Variants in CPZ observed in about 807,000 individuals in gnomAD.
CPZ encodes the protein carboxypeptidase Z.
CPZ carries 103 observed loss-of-function variants against 61.8 expected under a neutral mutation model. The observed-to-expected ratio is 1.67, with a 90% CI of 1.42 to 1.96. CPZ has a LOEUF of 1.96. Ranked by LOEUF, CPZ falls within the 30% of genes most tolerant of loss-of-function variation. CPZ has a pLI of 0.00. For missense variants in CPZ, 1,461 were observed against 914.9 expected, an observed-to-expected ratio of 1.60 and a Z score of -7.70; for synonymous variants, 551 against 373.7, an observed-to-expected ratio of 1.47 and a Z score of -5.47.
chr4:8,615,003 G>A (rs750882820), intron 9 of CPZ, among the ~76,000 whole-genome samples: 2 of 152,144 alleles, frequency 1.3e-5, no homozygotes, highest in African/African-American at 2.4e-5. Flanking sequence ...GTGGGATGGG[G>A]CGGGCACTGT....
intron 1 of CPZ, 73 bp downstream of exon 1, chr4:8,592,994 C>A: frequency 8.0e-7 from 1 of 1,250,438 alleles, no homozygotes; most frequent in South Asian, 1.4e-5. Context: ...CGTCGCTTCC[C>A]AGGGGCCCGG....
chr4:8,594,518 C>T (rs537262860), intron 1 of CPZ, among the ~76,000 whole-genome samples: 55 of 152,286 alleles, frequency 3.6e-4, no homozygotes, highest in Non-Finnish European at 5.9e-4. Flanking sequence ...CCTCTCTGAC[C>T]TCATTCAGGT....
At chr4:8,618,585 C>A (rs574620736) in intron 10 of CPZ, 57 bp downstream of exon 10, 3 of 1,516,296 alleles carry the variant, frequency 2.0e-6, no homozygotes, top group East Asian at 2.3e-5. Context: ...AATGCCACAC[C>A]GTGGCAGCCG....
intron 9 of CPZ, among the ~76,000 whole-genome samples, chr4:8,615,625 G>T (rs1340331034): frequency 2.0e-5 from 3 of 152,174 alleles, no homozygotes; most frequent in Non-Finnish European, 4.4e-5. Flanking sequence ...AGATGGAGTT[G>T]AGGTTCTGGC....
intron 1 of CPZ, among the ~76,000 whole-genome samples, chr4:8,595,311 C>T (rs893780176): frequency 2.8e-4 from 42 of 152,320 alleles, no homozygotes; most frequent in African/African-American, 9.4e-4. Flanking sequence ...TAGGCTTTCA[C>T]CCCACTGTGC....
At chr4:8,617,084 C>T (rs575529970) in intron 9 of CPZ, among the ~76,000 whole-genome samples, 28 of 152,328 alleles carry the variant, frequency 1.8e-4, no homozygotes, top group African/African-American at 5.5e-4. Context: ...GACAGCTGGG[C>T]GTGAGCCTGG....
At position 8,619,660 on chromosome 4, in the gene CPZ, T is replaced by A. The variant is rs778265567; in HGVS notation, c.*43T>A. ...GCCAGGATGTGGAGACCGAGGCCCATCTCCGCATCCCGGGCTCCTGGCTCT... is the reference window on the plus strand; with the variant it reads ...GCCAGGATGTGGAGACCGAGGCCCAACTCCGCATCCCGGGCTCCTGGCTCT... On this transcript the variant is annotated 3_prime_UTR_variant, in exon 11 of 11. Transcript: ENST00000360986. The A allele has an allele frequency of 7.2e-7, 1 of 1,390,360 alleles. No individual in the cohort carries two copies. The highest frequency in any genetic ancestry group is 9.5e-7 in the Non-Finnish European group (1 of 1,052,692). The allele number at this position is 1,390,360 out of a possible 1,614,324, so 86.1% of individuals were successfully genotyped here. A position where few individuals can be genotyped will look rare whatever the true frequency, so the allele number is the denominator to read the frequency against.
At chr4:8,618,319 G>A in intron 9 of CPZ, 110 bp from the exon 10 acceptor site, 1 of 1,013,008 alleles carries the variant, frequency 9.9e-7, no homozygotes, top group Non-Finnish European at 1.5e-6. Flanking sequence ...CTGTGGGGTA[G>A]TTCCCCCTAG....
intron 2 of CPZ, chr4:8,599,691 C>T: frequency 5.1e-6 from 7 of 1,374,238 alleles, no homozygotes; most frequent in Non-Finnish European, 4.8e-6. Flanking sequence ...GGTGCACCAG[C>T]TTCCCACCGG....
rs1012682979 is a variant in CPZ at position 8,606,874 on chromosome 4, C to T, written c.1044C>T (p.Ile348=). 5 of 1,612,632 alleles carry T rather than the reference C, an allele frequency of 3.1e-6. No homozygotes were observed. In the Admixed American group the frequency reaches 5.0e-5, roughly 16 times the overall value. The stretch of plus-strand genomic sequence containing the variant: ...GCGCACGCAGCGACCACATCCCCAT[C>T]CCCCAGCACTACTGGTGGGGTAAGG... ...TRGARSDHIP[I]PQHYWWGKVA... is the part of the protein sequence containing the mutation. The change falls in exon 6 of 11, where the codon ATC becomes ATT. Residue 348 remains isoleucine (I), a synonymous_variant. Transcript: ENST00000360986.
chr4:8,609,103 CT>C (rs1715335073), intron 7 of CPZ, among the ~76,000 whole-genome samples: 1 of 6,634 alleles, frequency 1.5e-4, no homozygotes, highest in Non-Finnish European at 4.2e-4. Context: ...CACTCACTCA[CT>C]CCCTTCCTCA....
intron 3 of CPZ, 190 bp from the exon 4 acceptor site, chr4:8,603,786 T>A (rs376289233): frequency 8.8e-5 from 54 of 614,822 alleles, no homozygotes; most frequent in East Asian, 6.6e-4. Context: ...GCTGTGTACA[T>A]ACCTCAGGTG....
In CPZ at chr4:8,619,334, C is replaced by A; in HGVS notation, c.1676C>A (p.Ala559Asp). ...HIVIAQAPGY[A>D]KVIKKVIIPA... ...GTCATTGCCCAAGCCCCTGGCTACG[C>A]CAAAGTCATCAAGAAAGTCATCATC... The change falls in exon 11 of 11, where the codon GCC becomes GAC. Residue 559 changes from alanine (A) to aspartate (D), a missense_variant. Physicochemically the swap from Ala to Asp is moderately radical, Grantham distance 126. Transcript: ENST00000360986. The A allele has an allele frequency of 6.2e-7, 1 of 1,614,156 alleles. No homozygotes were observed. The highest frequency in any genetic ancestry group is 1.1e-5 in the South Asian group (1 of 91,068).
chr4:8,606,805 C>A lies in CPZ; in HGVS notation c.975C>A (p.Phe325Leu), dbSNP rs1208311594. 12 of 1,614,172 alleles carry A rather than the reference C, an allele frequency of 7.4e-6. No individual in the cohort carries two copies. The highest frequency in any genetic ancestry group is 1.0e-5 in the Non-Finnish European group (12 of 1,180,032). ...NAQNLDLNRN[F>L]PDLTSEYYRL... ...AGAACCTGGATCTGAACCGAAATTT[C>A]CCGGACCTGACGTCCGAGTACTACC... Residue 325 changes from phenylalanine to leucine, a missense_variant, in exon 6 of 11, where the codon TTC (phenylalanine) becomes TTA (leucine). Physicochemically the swap from Phe to Leu is conservative, Grantham distance 22 (BLOSUM62 0). Coordinates refer to ENST00000360986, the MANE Select transcript of CPZ (RefSeq NM_001014447.3).
Position 8,614,504 on chromosome 4 carries a change from T to C in CPZ, c.1503+6T>C, listed in dbSNP as rs1271015640. 7 of 1,612,324 alleles carry C rather than the reference T, an allele frequency of 4.3e-6. No homozygotes were observed. The highest frequency in any genetic ancestry group is 5.9e-6 in the Non-Finnish European group (7 of 1,179,182). ...TCCTGAATTTCGTGGAGACGGTGAG[T>C]TCTGACGGTCTCAGGGCTCTGGTCC... On this transcript the variant is annotated splice_donor_region_variant and intron_variant, in intron 9 of 10. Coordinates refer to ENST00000360986, the MANE Select transcript of CPZ (RefSeq NM_001014447.3).
At chr4:8,608,662 G>C (rs1033626245) in intron 7 of CPZ, among the ~76,000 whole-genome samples, 4 of 150,928 alleles carry the variant, frequency 2.7e-5, no homozygotes, top group Non-Finnish European at 5.9e-5. Context: ...GTGCATGCAT[G>C]TGCACACGTG....
intron 4 of CPZ, 84 bp from the exon 5 acceptor site, chr4:8,605,905 C>T (rs1714952250): frequency 2.2e-6 from 3 of 1,374,564 alleles, no homozygotes; most frequent in African/African-American, 1.4e-5. Context: ...CCCATCTGGT[C>T]ATTCTTGCTG....
intron 2 of CPZ, 57 bp downstream of exon 2, chr4:8,599,542 C>T (rs544789422): frequency 6.2e-7 from 1 of 1,605,586 alleles, no homozygotes; most frequent in Non-Finnish European, 8.5e-7. Context: ...AGCCCCCACA[C>T]TGTCAGAGCA....
At chr4:8,607,225 G>A in intron 6 of CPZ, 42 bp from the exon 7 acceptor site, 2 of 1,599,992 alleles carry the variant, frequency 1.3e-6, no homozygotes, top group African/African-American at 2.7e-5. Flanking sequence ...CGGGCCAGTG[G>A]GAAAGCCCAG....
Sources: gnomAD v4.1 joint callset for allele counts (sites outside exome capture counted in the v4.1 genomes callset) on GRCh38, gnomAD v4.1.1 for gene constraint, MANE v1.5 for transcripts, NCBI Gene and HGNC (gene_info 2026-07-23, HGNC 2026-07-21) for gene names.